Variants in PDE4D observed in about 807,000 individuals in gnomAD.
PDE4D encodes the protein 3',5'-cyclic-AMP phosphodiesterase 4D.
In PDE4D, 24 loss-of-function variants were observed where a neutral mutation model predicts 87.4. That is an observed-to-expected ratio of 0.27 (90% CI 0.20 to 0.39). The LOEUF is 0.39. Among genes scored for constraint, PDE4D ranks in the 10% least tolerant of loss-of-function variants. PDE4D has a pLI of 1.00. For synonymous variants in PDE4D, 384 were observed against 383.2 expected, an observed-to-expected ratio of 1.00 and a Z score of -0.02; for missense variants, 714 against 1,041.0, an observed-to-expected ratio of 0.69 and a Z score of 4.32.
intron 1 of PDE4D, among the ~76,000 whole-genome samples, chr5:59,469,609 T>C (rs753164690): frequency 6.6e-6 from 1 of 152,072 alleles, no homozygotes; most frequent in Non-Finnish European, 1.5e-5. Flanking sequence ...GCACAGTGCA[T>C]ACCCAGCGAA....
intron 2 of PDE4D, among the ~76,000 whole-genome samples, chr5:60,078,584 G>C (rs1253032532): frequency 1.3e-5 from 2 of 152,200 alleles, no homozygotes; most frequent in East Asian, 1.9e-4. Context: ...TTCCCTCTCT[G>C]TGTCCATGTG....
intron 2 of PDE4D, among the ~76,000 whole-genome samples, chr5:60,185,081 TA>T (rs1210274584): frequency 6.6e-6 from 1 of 152,114 alleles, no homozygotes; most frequent in Non-Finnish European, 1.5e-5. Flanking sequence ...AAAATGTTTT[TA>T]AAAAAAGATT....
rs560792468 is a variant in PDE4D, at chr5:60,034,739, C to T, written c.43-46022G>A. On this transcript the variant is annotated intron_variant, in intron 2 of 16. Coordinates refer to the PDE4D transcript ENST00000502484. Reference sequence around the variant, plus strand: ...ATATTTATCATTTCCGCATGTTATTCGTTACACTAGGTACTTTACCTGCAT... The same window carrying T: ...ATATTTATCATTTCCGCATGTTATTTGTTACACTAGGTACTTTACCTGCAT... Among the ~76,000 whole-genome samples, 8 of 152,298 alleles carry T rather than the reference C, an allele frequency of 5.3e-5. No individual in the cohort carries two copies. The South Asian group carries it at 6.2e-4, about 12-fold the overall frequency.
intron 5 of PDE4D, among the ~76,000 whole-genome samples, chr5:59,143,783 T>C (rs1422423761): frequency 6.6e-6 from 1 of 152,220 alleles, no homozygotes; most frequent in African/African-American, 2.4e-5. Flanking sequence ...CATTCAAATG[T>C]CATTTTGTAA....
chr5:59,511,653 A>G (rs1810297843), intron 1 of PDE4D, among the ~76,000 whole-genome samples: 1 of 152,068 alleles, frequency 6.6e-6, no homozygotes, highest in African/African-American at 2.4e-5. Context: ...AAAATGAGCT[A>G]TATAAGTAGA....
intron 3 of PDE4D, among the ~76,000 whole-genome samples, chr5:59,980,595 C>A (rs1029736796): frequency 6.6e-6 from 1 of 152,170 alleles, no homozygotes; most frequent in Non-Finnish European, 1.5e-5. Flanking sequence ...AAACCTTCCC[C>A]TGGTACATGC....
chr5:60,121,972 A>G (rs550363983), intron 2 of PDE4D, among the ~76,000 whole-genome samples: 55 of 152,290 alleles, frequency 3.6e-4, no homozygotes, highest in African/African-American at 1.2e-3. Flanking sequence ...AAATTGGCCA[A>G]AACGAAGTGG....
intron 1 of PDE4D, among the ~76,000 whole-genome samples, chr5:60,382,065 A>G (rs975363826): frequency 1.3e-5 from 2 of 152,204 alleles, no homozygotes; most frequent in Non-Finnish European, 2.9e-5. Context: ...TTGATACTAA[A>G]TAACATTTTA....
intron 1 of PDE4D, among the ~76,000 whole-genome samples, chr5:59,570,080 C>T (rs570684044): frequency 1.3e-5 from 2 of 152,312 alleles, no homozygotes; most frequent in East Asian, 3.9e-4. Context: ...TCATACTTGG[C>T]TTCCTGGAGA....
intron 1 of PDE4D, among the ~76,000 whole-genome samples, chr5:59,664,088 AGTGAGAGTTTTCAT>A (rs1561431692): frequency 6.6e-6 from 1 of 152,232 alleles, no homozygotes; most frequent in Non-Finnish European, 1.5e-5. Flanking sequence ...TTATAGAGTT[AGTGAGAGTTTTCAT>A]GCTAATATCA....
At position 59,226,371 on chromosome 5, in the gene PDE4D, T is replaced by C. The variant is rs114625343; in HGVS notation, c.456-10403A>G. ...ACATGGATGAATTTTGAGGACATTA[T>C]GCCAAGTGAAATAAGTCAGTCACAG... On this transcript the variant is annotated intron_variant, in intron 1 of 14. Transcript: ENST00000340635. Among the ~76,000 whole-genome samples the C allele has an allele frequency of 7.5e-3, 1,144 of 152,286 alleles. 20 individuals are homozygous for C. Among genetic ancestry groups the C allele is most frequent in the African/African-American group, 0.025 (1,036 of 41,570 alleles).
At chr5:60,301,996 T>C (rs1382183714) in intron 1 of PDE4D, among the ~76,000 whole-genome samples, 1 of 152,192 alleles carries the variant, frequency 6.6e-6, no homozygotes, top group Non-Finnish European at 1.5e-5. Flanking sequence ...CATATGTTGA[T>C]ACAACCTTGC....
chr5:60,229,109 T>G (rs1329278307), intron 1 of PDE4D, among the ~76,000 whole-genome samples: 1 of 152,110 alleles, frequency 6.6e-6, no homozygotes, highest in East Asian at 1.9e-4. Context: ...CTCTTCTTTC[T>G]GCACGTAATA....
intron 2 of PDE4D, among the ~76,000 whole-genome samples, chr5:60,018,721 C>A (rs1279605616): frequency 1.3e-5 from 2 of 151,878 alleles, no homozygotes; most frequent in African/African-American, 2.4e-5. Context: ...TTTAAACCAA[C>A]AAAGATCAAA....
chr5:60,268,596 T>C (rs1056823674), intron 1 of PDE4D, among the ~76,000 whole-genome samples: 2 of 152,204 alleles, frequency 1.3e-5, no homozygotes, highest in African/African-American at 2.4e-5. Flanking sequence ...TAAGAATTAG[T>C]TTTGCCTCTG....
At chr5:59,080,779 G>C (rs568676788) in intron 5 of PDE4D, among the ~76,000 whole-genome samples, 1 of 152,256 alleles carries the variant, frequency 6.6e-6, no homozygotes, top group Admixed American at 6.5e-5. Context: ...AATGAGAAAT[G>C]CTAAGCTTTC....
chr5:59,635,495 A>T (rs930876348), intron 1 of PDE4D, among the ~76,000 whole-genome samples: 3 of 152,246 alleles, frequency 2.0e-5, no homozygotes, highest in African/African-American at 7.2e-5. Context: ...CCTCAATAAA[A>T]TACTGGTAAA....
At position 58,974,528 on chromosome 5, in the gene PDE4D, T is replaced by C. The variant is rs1365173964; in HGVS notation, c.*136A>G. ...CGATATTCCTGAGCGCTGGACTGAG[T>C]AGTCAAGGTCAGTTTTGTTCAACAA... On this transcript the variant is annotated 3_prime_UTR_variant, in exon 15 of 15. Coordinates refer to ENST00000340635, the MANE Select transcript of PDE4D (RefSeq NM_001104631.2). 2 of 737,812 alleles carry C rather than the reference T, an allele frequency of 2.7e-6. No individual in the cohort carries two copies. Among genetic ancestry groups the C allele is most frequent in the Non-Finnish European group, 4.4e-6 (2 of 455,960 alleles). The allele number at this position is 737,812 out of a possible 1,614,324, so 45.7% of individuals were successfully genotyped here.
intron 3 of PDE4D, among the ~76,000 whole-genome samples, chr5:59,954,425 A>G (rs1040776027): frequency 1.3e-5 from 2 of 152,208 alleles, no homozygotes. Context: ...TTACTAAACA[A>G]ACATCTTGGC....
Sources: gnomAD v4.1 joint callset for allele counts (sites outside exome capture counted in the v4.1 genomes callset) on GRCh38, gnomAD v4.1.1 for gene constraint, MANE v1.5 for transcripts, NCBI Gene and HGNC (gene_info 2026-07-23, HGNC 2026-07-21) for gene names.